CMYA5: variants seen among roughly 807,000 people sequenced by gnomAD.
CMYA5 encodes cardiomyopathy-associated protein 5.
In CMYA5, 246 loss-of-function variants were observed where a neutral mutation model predicts 318.9. The observed-to-expected ratio is 0.77, with a 90% CI of 0.70 to 0.86. The LOEUF (loss-of-function observed/expected upper bound fraction) is 0.86, where lower values mean the gene tolerates loss of function less well. Among genes scored for constraint, CMYA5 ranks in the 40% least tolerant of loss-of-function variants. The probability of loss-of-function intolerance (pLI) is 0.00; values close to 1 mark genes in which losing one functional copy is unlikely to be tolerated. For synonymous variants in CMYA5, 1,641 were observed against 1,729.5 expected (o/e 0.95, Z 1.27); for missense variants, 4,589 against 4,678.2 (o/e 0.98, Z 0.56).
At chr5:79,767,750 A>G (rs1378118791) in intron 9 of CMYA5, among the ~76,000 whole-genome samples, 3 of 152,140 alleles carry the variant, frequency 2.0e-5, no homozygotes, top group South Asian at 2.1e-4. Context: ...GAATAAGTGC[A>G]ATGTGGTGCT....
In CMYA5 at chr5:79,745,444, G is replaced by A. The variant is rs1371909044; in HGVS notation, c.10957G>A (p.Val3653Ile). 30 of 1,613,224 alleles carry A rather than the reference G, an allele frequency of 1.9e-5. No homozygotes were observed. Among genetic ancestry groups the A allele is most frequent in the Non-Finnish European group, 2.5e-5 (29 of 1,179,250 alleles). ...AGAAGCAGAGGAGCTTGATGAGGCC[G>A]TCTTCCTGACTGTAAGTGCCAAGTA... ...VREAEELDEAVFLTSFEEINE... is the reference protein window; with the variant it reads ...VREAEELDEAIFLTSFEEINE... The change falls in exon 4 of 13, where the codon GTC becomes ATC. Residue 3653 changes from valine (V) to isoleucine (I), a missense_variant. Physicochemically the swap from Val to Ile is conservative, Grantham distance 29. This residue lies in a region of CMYA5 where 2,431 missense variants were observed against 2,495.1 expected (regional missense o/e 0.97). Transcript: ENST00000446378.
At position 79,738,520 on chromosome 5, in the gene CMYA5, C is replaced by A; in HGVS notation, c.9755C>A (p.Ser3252Tyr). The change falls in exon 2 of 13, where the codon TCT (serine) becomes TAT (tyrosine). Residue 3252 changes from serine to tyrosine, a missense_variant. Physicochemically the swap from Ser to Tyr is moderately radical, Grantham distance 144. This residue lies in a region of CMYA5 where 2,431 missense variants were observed against 2,495.1 expected (regional missense o/e 0.97). Transcript: ENST00000446378. ...ILKDDILHDTSLTQKDQGQGL... is the reference protein window; with the variant it reads ...ILKDDILHDTYLTQKDQGQGL... ...AAAGATGACATTCTCCATGACACATCTCTAACTCAAAAGGACCAGGGCCAA... is the reference window on the plus strand; with the variant it reads ...AAAGATGACATTCTCCATGACACATATCTAACTCAAAAGGACCAGGGCCAA... 1 of 1,613,346 alleles carries A rather than the reference C, an allele frequency of 6.2e-7. No homozygotes were observed. Among genetic ancestry groups the A allele is most frequent in the East Asian group, 2.2e-5 (1 of 44,870 alleles).
intron 1 of CMYA5, among the ~76,000 whole-genome samples, chr5:79,715,445 G>A (rs898030323): frequency 6.6e-6 from 1 of 151,954 alleles, no homozygotes. Flanking sequence ...CCGCCACCAC[G>A]CCCGGCTAAT....
rs1176298481 is a variant in CMYA5 at position 79,732,831 on chromosome 5, G to A, written c.4066G>A (p.Ala1356Thr). The A allele has an allele frequency of 1.9e-6, 3 of 1,613,710 alleles. No individual in the cohort carries two copies. The highest frequency in any genetic ancestry group is 2.5e-6 in the Non-Finnish European group (3 of 1,179,824). Residue 1356 changes from alanine (A) to threonine (T), a missense_variant, in exon 2 of 13, where the codon GCA becomes ACA. Physicochemically the swap from Ala to Thr is moderately conservative, Grantham distance 58. Around this residue, in one of 3 missense-constraint regions of CMYA5, gnomAD observed 2,132 missense variants for 2,131.3 expected, o/e 1.00. Coordinates refer to ENST00000446378, the MANE Select transcript of CMYA5 (RefSeq NM_153610.5). ...EIEPSSSTTTASVTKLDSNLT... is the reference protein window; with the variant it reads ...EIEPSSSTTTTSVTKLDSNLT... ...TGAACCCAGTTCCTCAACAACTACA[G>A]CATCTGTAACTAAGCTTGATTCAAA...
intron 5 of CMYA5, among the ~76,000 whole-genome samples, chr5:79,751,046 G>T (rs1199054214): frequency 6.6e-6 from 1 of 152,020 alleles, no homozygotes; most frequent in Non-Finnish European, 1.5e-5. Flanking sequence ...TTAGGCTCGT[G>T]CTGTCTTCCC....
At chr5:79,712,304 C>G (rs934120471) in intron 1 of CMYA5, among the ~76,000 whole-genome samples, 1 of 152,052 alleles carries the variant, frequency 6.6e-6, no homozygotes, top group Non-Finnish European at 1.5e-5. Flanking sequence ...ACCTTAGTCT[C>G]CCAGATTCAA....
At chr5:79,723,422 G>A in intron 1 of CMYA5, among the ~76,000 whole-genome samples, 1 of 140,834 alleles carries the variant, frequency 7.1e-6, no homozygotes, top group South Asian at 2.2e-4. Context: ...CTGGGTGACA[G>A]AGTGAGACTC....
chr5:79,786,964 G>A (rs1483205936), intron 9 of CMYA5, among the ~76,000 whole-genome samples: 1 of 152,164 alleles, frequency 6.6e-6, no homozygotes, highest in Non-Finnish European at 1.5e-5. Flanking sequence ...CTGAAAGCAG[G>A]ACGGATCCCA....
intron 12 of CMYA5, among the ~76,000 whole-genome samples, chr5:79,793,887 C>T (rs1459121524): frequency 6.6e-6 from 1 of 152,218 alleles, no homozygotes; most frequent in Non-Finnish European, 1.5e-5. Flanking sequence ...GCCAGGTCAG[C>T]TTCCTTGCTC....
intron 1 of CMYA5, among the ~76,000 whole-genome samples, chr5:79,691,942 G>C (rs1196207451): frequency 6.6e-6 from 1 of 152,146 alleles, no homozygotes; most frequent in Non-Finnish European, 1.5e-5. Context: ...GTTATAGGTA[G>C]GTTTAAGTTT....
intron 5 of CMYA5, among the ~76,000 whole-genome samples, chr5:79,747,776 T>C (rs1385788433): frequency 6.6e-6 from 1 of 152,216 alleles, no homozygotes; most frequent in African/African-American, 2.4e-5. Context: ...GTTCTTCCTT[T>C]TGCCCCATAG....
At chr5:79,785,587 A>T (rs551782544) in intron 9 of CMYA5, among the ~76,000 whole-genome samples, 68 of 152,100 alleles carry the variant, frequency 4.5e-4, no homozygotes, top group African/African-American at 1.6e-3. Context: ...TGTTATTTGT[A>T]TATAAAGGCT....
chr5:79,753,984 A>G (rs1828480938), intron 6 of CMYA5, among the ~76,000 whole-genome samples: 2 of 152,238 alleles, frequency 1.3e-5, no homozygotes, highest in Non-Finnish European at 2.9e-5. Flanking sequence ...TATGCTTTTC[A>G]ATACTTAATG....
In CMYA5 at chr5:79,739,405, T is replaced by C; in HGVS notation, c.10638+2T>C. ...GACACAGCTATAAGTGCTGTAAAGG[T>C]AAATAGATGTTGAACACACATAATT... On this transcript the variant is annotated splice_donor_variant, in intron 2 of 12. Coordinates refer to ENST00000446378, the MANE Select transcript of CMYA5 (RefSeq NM_153610.5). LOFTEE classifies it high-confidence loss of function. 6.7e-7 allele frequency: 1 copy of C among 1,498,440 alleles called. No homozygotes were observed. Among genetic ancestry groups the C allele is most frequent in the Non-Finnish European group, 8.9e-7 (1 of 1,125,958 alleles). The allele number at this position is 1,498,440 out of a possible 1,614,324, so 92.8% of individuals were successfully genotyped here.
At chr5:79,758,195 A>G (rs1000863663) in intron 6 of CMYA5, among the ~76,000 whole-genome samples, 2 of 151,434 alleles carry the variant, frequency 1.3e-5, no homozygotes, top group Non-Finnish European at 2.9e-5. Context: ...GCGCCACTGC[A>G]CTCCAGCCTG....
At chr5:79,744,354 A>G (rs1434993590) in intron 3 of CMYA5, among the ~76,000 whole-genome samples, 1 of 152,198 alleles carries the variant, frequency 6.6e-6, no homozygotes, top group African/African-American at 2.4e-5. Flanking sequence ...TCCCATGCCC[A>G]GGGCCAGTGA....
chr5:79,729,257 C>T lies in CMYA5; in HGVS notation c.492C>T (p.Asn164=). The change falls in exon 2 of 13, where the codon AAC becomes AAT. Residue 164 remains asparagine, a synonymous_variant. Coordinates refer to ENST00000446378, the MANE Select transcript of CMYA5 (RefSeq NM_153610.5). ...NSFESQDVPT[N]KKGSPLTSAS... is the part of the protein sequence containing the mutation. ...TTGAATCCCAAGATGTTCCAACAAA[C>T]AAAAAAGGCAGTCCTTTAACTTCAG... The T allele has an allele frequency of 6.2e-7, 1 of 1,608,216 alleles. No homozygotes were observed. Among genetic ancestry groups the T allele is most frequent in the South Asian group, 1.1e-5 (1 of 89,902 alleles).
At chr5:79,722,702 A>G (rs868503281) in intron 1 of CMYA5, among the ~76,000 whole-genome samples, 67 of 148,754 alleles carry the variant, frequency 4.5e-4, no homozygotes, top group Middle Eastern at 3.5e-3. Context: ...AAAAAAATCT[A>G]TCTGAAAAAG....
intron 2 of CMYA5, among the ~76,000 whole-genome samples, chr5:79,740,072 T>C (rs1228132940): frequency 1.3e-5 from 2 of 152,164 alleles, no homozygotes; most frequent in African/African-American, 4.8e-5. Context: ...TTACATAGCA[T>C]TTATACTGTA....
Sources: allele counts gnomAD v4.1 joint callset (sites outside exome capture counted in the v4.1 genomes callset), GRCh38; gene constraint gnomAD v4.1.1; regional missense constraint gnomAD v4.1.1; transcripts MANE v1.5; gene names NCBI Gene and HGNC (gene_info 2026-07-23, HGNC 2026-07-21).